Variants in FHIT observed in about 807,000 individuals in gnomAD.
The protein encoded by FHIT is bis(5'-adenosyl)-triphosphatase.
In FHIT, 19 loss-of-function variants were observed where a neutral mutation model predicts 17.9. The ratio of observed to expected loss-of-function variants is 1.06; its 90% CI spans 0.74 to 1.56. The LOEUF (loss-of-function observed/expected upper bound fraction) is 1.56, where lower values mean the gene tolerates loss of function less well. Ranked by LOEUF, FHIT falls within the 40% of genes most tolerant of loss-of-function variation. The pLI is 0.00. For missense variants in FHIT, 248 were observed against 189.2 expected, an observed-to-expected ratio of 1.31 and a Z score of -1.82; for synonymous variants, 81 against 69.7, an observed-to-expected ratio of 1.16 and a Z score of -0.81.
chr3:60,369,730 G>A (rs947432961), intron 5 of FHIT, among the ~76,000 whole-genome samples: 7 of 152,038 alleles, frequency 4.6e-5, no homozygotes, highest in African/African-American at 9.7e-5. Flanking sequence ...CACTGGCTGC[G>A]ACAGGACTCC....
intron 3 of FHIT, among the ~76,000 whole-genome samples, chr3:61,039,855 C>A (rs1023493320): frequency 9.2e-5 from 14 of 152,044 alleles, no homozygotes; most frequent in Non-Finnish European, 1.3e-4. Flanking sequence ...TATAAAAAAA[C>A]AAACAAACAA....
intron 2 of FHIT, among the ~76,000 whole-genome samples, chr3:61,052,049 G>C (rs1052018592): frequency 6.6e-6 from 1 of 152,210 alleles, no homozygotes; most frequent in African/African-American, 2.4e-5. Flanking sequence ...CCTGAGAGAG[G>C]TTTGTAAATG....
At chr3:60,516,759 G>A (rs1437475446) in intron 5 of FHIT, among the ~76,000 whole-genome samples, 1 of 152,202 alleles carries the variant, frequency 6.6e-6, no homozygotes, top group African/African-American at 2.4e-5. Flanking sequence ...TTTGCAAGAA[G>A]CATCTCCGCC....
rs183865954 is a variant in FHIT at position 60,088,174 on chromosome 3, C to G, written c.104-74022G>C. ...AACAATTAGTTCCCTTGGGAATTAA[C>G]AGATGGAGAACTCATCCCCCAAAGG... is the stretch of plus-strand genomic sequence containing the variant. On this transcript the variant is annotated intron_variant, in intron 5 of 9. Transcript: ENST00000492590. Among the ~76,000 whole-genome samples, 10 of 152,228 alleles carry G rather than the reference C, an allele frequency of 6.6e-5. No homozygotes were observed. The East Asian group carries it at 1.9e-3, about 29-fold the overall frequency.
chr3:61,209,474 C>G (rs1219228661), intron 1 of FHIT, among the ~76,000 whole-genome samples: 1 of 152,150 alleles, frequency 6.6e-6, no homozygotes, highest in Admixed American at 6.5e-5. Flanking sequence ...TAGATTTGGT[C>G]TTTTCACATA....
At chr3:60,549,363 C>T (rs2107620750) in intron 4 of FHIT, among the ~76,000 whole-genome samples, 1 of 152,240 alleles carries the variant, frequency 6.6e-6, no homozygotes, top group South Asian at 2.1e-4. Flanking sequence ...TCTTTCTAAG[C>T]AATTTATATG....
At chr3:60,785,287 C>T (rs1477046692) in intron 4 of FHIT, among the ~76,000 whole-genome samples, 1 of 152,202 alleles carries the variant, frequency 6.6e-6, no homozygotes, top group African/African-American at 2.4e-5. Context: ...ATGACTGAGA[C>T]TAGCCCTTGG....
chr3:60,117,892 C>T (rs1479181297), intron 5 of FHIT, among the ~76,000 whole-genome samples: 4 of 152,182 alleles, frequency 2.6e-5, no homozygotes, highest in South Asian at 2.1e-4. Flanking sequence ...TACCCAGATG[C>T]CTTAGGATAT....
intron 5 of FHIT, among the ~76,000 whole-genome samples, chr3:60,063,437 G>T (rs768945428): frequency 2.6e-5 from 4 of 152,136 alleles, no homozygotes; most frequent in African/African-American, 4.8e-5. Flanking sequence ...ATTGGTTGAG[G>T]AAGCCAGAAC....
At chr3:60,009,192 T>C (rs1001700454) in intron 7 of FHIT, among the ~76,000 whole-genome samples, 7 of 147,672 alleles carry the variant, frequency 4.7e-5, no homozygotes, top group African/African-American at 1.8e-4. Flanking sequence ...TGTGTGTGTG[T>C]GTGTGTGTGT....
chr3:60,443,208 G>T (rs1238793055), intron 5 of FHIT, among the ~76,000 whole-genome samples: 3 of 152,170 alleles, frequency 2.0e-5, no homozygotes, highest in Non-Finnish European at 4.4e-5. Context: ...ATACAATCAT[G>T]TCATCTGCAA....
chr3:60,504,070 A>G (rs2034627441), intron 5 of FHIT, among the ~76,000 whole-genome samples: 1 of 152,218 alleles, frequency 6.6e-6, no homozygotes, highest in Admixed American at 6.5e-5. Flanking sequence ...CCAGAAAAAA[A>G]GAATTGTGAA....
chr3:60,654,988 G>A (rs2040081576), intron 4 of FHIT, among the ~76,000 whole-genome samples: 1 of 152,164 alleles, frequency 6.6e-6, no homozygotes, highest in Non-Finnish European at 1.5e-5. Context: ...TAGATTGATG[G>A]ACCAATCAGG....
intron 5 of FHIT, among the ~76,000 whole-genome samples, chr3:60,506,913 T>A (rs145182416): frequency 1.5e-3 from 229 of 152,270 alleles, no homozygotes; most frequent in African/African-American, 5.2e-3. Context: ...GGATATACTA[T>A]CCCTAAGTCT....
At chr3:60,403,343 C>A (rs1701733863) in intron 5 of FHIT, among the ~76,000 whole-genome samples, 1 of 152,156 alleles carries the variant, frequency 6.6e-6, no homozygotes, top group African/African-American at 2.4e-5. Context: ...CAGTGCTTAA[C>A]CTCCTTTTCT....
chr3:60,644,657 A>T (rs559748882), intron 4 of FHIT, among the ~76,000 whole-genome samples: 1 of 152,328 alleles, frequency 6.6e-6, no homozygotes, highest in Non-Finnish European at 1.5e-5. Context: ...TTGGATAAAA[A>T]CTACAGCAGG....
At chr3:61,224,876 A>G (rs530317938) in intron 1 of FHIT, among the ~76,000 whole-genome samples, 36 of 152,372 alleles carry the variant, frequency 2.4e-4, no homozygotes, top group African/African-American at 7.5e-4. Context: ...ACATATATAT[A>G]TACATACATT....
At chr3:61,199,212 T>C (rs1216220387) in intron 2 of FHIT, among the ~76,000 whole-genome samples, 2 of 152,148 alleles carry the variant, frequency 1.3e-5, no homozygotes, top group Non-Finnish European at 2.9e-5. Flanking sequence ...ATAAAGAAAA[T>C]GGACTGTGCC....
In FHIT at chr3:60,854,847, A is replaced by C. The variant is rs149268846; in HGVS notation, c.-110-32836T>G. 5.1e-4 allele frequency among the ~76,000 whole-genome samples: 77 copies of C among 152,250 alleles called. 1 individual carries two copies. Among genetic ancestry groups the C allele is most frequent in the African/African-American group, 1.7e-3 (71 of 41,562 alleles). On this transcript the variant is annotated intron_variant, in intron 3 of 9. Transcript: ENST00000492590. ...AGCTGAGCATTGCTGCTCCAAACAAAATCAGATTTCTGTTAGGAAAGAATG... is the reference window on the plus strand; with the variant it reads ...AGCTGAGCATTGCTGCTCCAAACAACATCAGATTTCTGTTAGGAAAGAATG...
Sources: allele counts gnomAD v4.1 joint callset (sites outside exome capture counted in the v4.1 genomes callset), GRCh38; gene constraint gnomAD v4.1.1; transcripts MANE v1.5; gene names NCBI Gene and HGNC (gene_info 2026-07-23, HGNC 2026-07-21).